Variants in KLHL29 observed in about 807,000 individuals in gnomAD.
The protein encoded by KLHL29 is kelch like family member 29, also known as kelch-like protein 29.
KLHL29 carries 21 observed loss-of-function variants against 80.4 expected under a neutral mutation model. The observed-to-expected ratio is 0.26, with a 90% confidence interval of 0.19 to 0.38. The LOEUF is 0.38. Ranked by LOEUF, KLHL29 falls within the 10% of genes least tolerant of loss-of-function variation. KLHL29 has a pLI of 1.00. For synonymous variants in KLHL29, 511 were observed against 526.8 expected (o/e 0.97, Z 0.41); for missense variants, 867 against 1,223.9 (o/e 0.71, Z 4.35).
chr2:23,696,003 C>A lies in KLHL29; in HGVS notation c.1794C>A (p.Thr598=), dbSNP rs980232360. The A allele has an allele frequency of 1.3e-6, 2 of 1,551,540 alleles. No homozygotes were observed. Among genetic ancestry groups the A allele is most frequent in the African/African-American group, 1.4e-5 (1 of 73,034 alleles). Residue 598 remains threonine (T), a synonymous_variant, in exon 10 of 14, where the codon ACC becomes ACA. Coordinates refer to ENST00000486442, the MANE Select transcript of KLHL29 (RefSeq NM_052920.2). This position sits in a 1 kb window ranked among gnomAD's most constrained non-coding sequence, Gnocchi z 5.5. The part of the protein sequence containing the change: ...LVGGRQMVGM[T]QRSLVAVTCW... ...GGGGCCGTCAGATGGTGGGGATGAC[C>A]CAGCGCTCGCTGGTGGCCGTCACCT...
chr2:23,434,571 G>A (rs140422765), intron 1 of KLHL29, among the ~76,000 whole-genome samples: 1 of 152,338 alleles, frequency 6.6e-6, no homozygotes, highest in Non-Finnish European at 1.5e-5. Flanking sequence ...GGGCCTTGTA[G>A]ACGGGAAGAA....
intron 3 of KLHL29, among the ~76,000 whole-genome samples, chr2:23,627,586 C>G (rs892763280): frequency 3.3e-5 from 5 of 152,196 alleles, no homozygotes; most frequent in African/African-American, 9.7e-5. Context: ...CTTCGGTGCA[C>G]CTTGCGTCTG....
intron 3 of KLHL29, among the ~76,000 whole-genome samples, chr2:23,595,445 G>C (rs528641401): frequency 6.6e-6 from 1 of 152,352 alleles, no homozygotes; most frequent in South Asian, 2.1e-4. Context: ...CCAAGGCATA[G>C]CCCTTTGTTC....
intron 6 of KLHL29, among the ~76,000 whole-genome samples, chr2:23,688,044 C>T (rs561399521): frequency 6.6e-6 from 1 of 152,288 alleles, no homozygotes; most frequent in African/African-American, 2.4e-5. Flanking sequence ...ACCCTTCACC[C>T]TCTTCCCTGA....
intron 1 of KLHL29, among the ~76,000 whole-genome samples, chr2:23,465,595 C>T (rs1664327092): frequency 6.6e-6 from 1 of 152,326 alleles, no homozygotes; most frequent in South Asian, 2.1e-4. Context: ...ATGGCAAAAG[C>T]GTCCTCAGTT....
chr2:23,607,838 G>A (rs1668766932), intron 3 of KLHL29, among the ~76,000 whole-genome samples: 1 of 152,148 alleles, frequency 6.6e-6, no homozygotes, highest in African/African-American at 2.4e-5. Flanking sequence ...CCCCATCCAT[G>A]GAAAAATTGT....
At chr2:23,683,869 G>A (rs1309429201) in intron 5 of KLHL29, among the ~76,000 whole-genome samples, 1 of 152,158 alleles carries the variant, frequency 6.6e-6, no homozygotes, top group African/African-American at 2.4e-5. Context: ...CTTTCTCGGG[G>A]TCTCCTCCCA....
At chr2:23,679,502 C>A in intron 5 of KLHL29, among the ~76,000 whole-genome samples, 1 of 152,170 alleles carries the variant, frequency 6.6e-6, no homozygotes, top group Non-Finnish European at 1.5e-5. Context: ...CCACCACATT[C>A]TGTAGTCCAA....
intron 5 of KLHL29, chr2:23,644,391 G>C (rs948504876): frequency 6.6e-6 from 1 of 152,238 alleles, no homozygotes; most frequent in African/African-American, 2.4e-5. Context: ...AAGGCACCGG[G>C]TGGCATATTC....
chr2:23,427,920 C>T (rs1318818447), intron 1 of KLHL29, among the ~76,000 whole-genome samples: 1 of 152,130 alleles, frequency 6.6e-6, no homozygotes, highest in Non-Finnish European at 1.5e-5. Context: ...CATGGAGGCT[C>T]CTATCTGGGT....
chr2:23,559,015 G>A (rs1014455502), intron 2 of KLHL29, among the ~76,000 whole-genome samples: 3 of 151,898 alleles, frequency 2.0e-5, no homozygotes, highest in South Asian at 2.1e-4. Context: ...TTGCTCAGGG[G>A]ACTGGATGAG....
At chr2:23,569,105 A>C (rs1667656385) in intron 3 of KLHL29, among the ~76,000 whole-genome samples, 1 of 152,232 alleles carries the variant, frequency 6.6e-6, no homozygotes, top group Admixed American at 6.5e-5. Context: ...GGACTGGAAC[A>C]CTGCTGTCCC....
At chr2:23,473,427 C>T (rs557012540) in intron 1 of KLHL29, among the ~76,000 whole-genome samples, 1 of 152,252 alleles carries the variant, frequency 6.6e-6, no homozygotes, top group Non-Finnish European at 1.5e-5. Flanking sequence ...CATTCACTTC[C>T]AGACCTTTTC....
At chr2:23,426,515 G>A (rs928046902) in intron 1 of KLHL29, among the ~76,000 whole-genome samples, 1 of 152,180 alleles carries the variant, frequency 6.6e-6, no homozygotes, top group African/African-American at 2.4e-5. Flanking sequence ...CACCTGGTCC[G>A]CCTGCTACAG....
At chr2:23,663,470 C>T (rs1360673654) in intron 5 of KLHL29, among the ~76,000 whole-genome samples, 1 of 152,230 alleles carries the variant, frequency 6.6e-6, no homozygotes, top group East Asian at 1.9e-4. Flanking sequence ...GGGAGGTTCC[C>T]GGGCCCGCGG....
At chr2:23,577,185 C>T (rs1667863754) in intron 3 of KLHL29, among the ~76,000 whole-genome samples, 1 of 152,242 alleles carries the variant, frequency 6.6e-6, no homozygotes. Context: ...TGCAGTCGCT[C>T]ACGCCTATAA....
rs116379697 is a variant in KLHL29, at chr2:23,627,403, A to T, written c.286-11736A>T. ...CAGCGCCCAGGAGCTGGAAGAAGGC[A>T]CGCTGAGGCCCTCGCTGAGCCTTCT... is the stretch of plus-strand genomic sequence containing the variant. On this transcript the variant is annotated intron_variant, in intron 3 of 13. Transcript: ENST00000486442. 7.4e-3 allele frequency among the ~76,000 whole-genome samples: 1,120 copies of T among 152,356 alleles called. 13 individuals carry two copies. Among genetic ancestry groups the T allele is most frequent in the African/African-American group, 0.026 (1,081 of 41,582 alleles).
rs189263625 is a variant in KLHL29, at chr2:23,420,323, C to T, written c.-154+34543C>T. On this transcript the variant is annotated intron_variant, in intron 1 of 13. Transcript: ENST00000486442. ...TGCGTCCACACCGATCCCGTCACTG[C>T]TTCCTCCTGCCTGAAATTCTCACTG... Among the ~76,000 whole-genome samples, 36 of 152,338 alleles carry T rather than the reference C, an allele frequency of 2.4e-4. No homozygotes were observed. The East Asian group carries it at 6.2e-3, about 26-fold the overall frequency.
At chr2:23,579,623 C>G (rs1667931011) in intron 3 of KLHL29, among the ~76,000 whole-genome samples, 1 of 152,178 alleles carries the variant, frequency 6.6e-6, no homozygotes, top group South Asian at 2.1e-4. Context: ...CCAGGCCCAT[C>G]ATATCTCACT....
Sources: gnomAD v4.1 joint callset for allele counts (sites outside exome capture counted in the v4.1 genomes callset) on GRCh38, gnomAD v4.1.1 for gene constraint, Gnocchi (gnomAD v3.1) non-coding constraint, MANE v1.5 for transcripts, NCBI Gene and HGNC (gene_info 2026-07-23, HGNC 2026-07-21) for gene names.